CCDC9: variants seen among roughly 807,000 people sequenced by gnomAD.
The protein encoded by CCDC9 is coiled-coil domain-containing protein 9.
CCDC9 carries 52 observed loss-of-function variants against 65.6 expected under a neutral mutation model. The ratio of observed to expected loss-of-function variants is 0.79; its 90% CI spans 0.63 to 1.00. CCDC9 has a LOEUF of 1.00. Among genes scored for constraint, CCDC9 ranks in the 50% least tolerant of loss-of-function variants. The pLI, the probability that CCDC9 is intolerant of heterozygous loss-of-function variation, is 0.00. For missense variants in CCDC9, 834 were observed against 757.2 expected (o/e 1.10, Z -1.19); for synonymous variants, 332 against 280.3 (o/e 1.18, Z -1.84).
chr19:47,275,534 T>A, downstream of CCDC9: 4 of 789,812 alleles, frequency 5.1e-6, no homozygotes, highest in Non-Finnish European at 7.7e-6. Context: ...TTGCAGCTAC[T>A]CTGTGGTCAG....
chr19:47,260,260 TG>T, intron 3 of CCDC9, 60 bp from the exon 4 acceptor site: 1 of 1,247,832 alleles, frequency 8.0e-7, no homozygotes, highest in Non-Finnish European at 1.1e-6. Flanking sequence ...TTCAGGGGTC[TG>T]GGAGTCCGTC....
chr19:47,275,374 C>T, downstream of CCDC9: 2 of 1,529,698 alleles, frequency 1.3e-6, no homozygotes, highest in Non-Finnish European at 1.8e-6. Context: ...CAACCCGGAT[C>T]GCCAGCCCTC....
chr19:47,275,552 C>T (rs1478218490), downstream of CCDC9: 7 of 657,360 alleles, frequency 1.1e-5, no homozygotes, highest in Non-Finnish European at 1.7e-5. Context: ...CAGGCCGGGT[C>T]CTCCACCATC....
At chr19:47,264,091 G>GC (rs2059063595) in intron 5 of CCDC9, among the ~76,000 whole-genome samples, 1 of 151,792 alleles carries the variant, frequency 6.6e-6, no homozygotes, top group Non-Finnish European at 1.5e-5. Context: ...ATGTTAGCCA[G>GC]CCTGGTCTCA....
In CCDC9 at chr19:47,266,441, G is replaced by C. The variant is rs748428782; in HGVS notation, c.721-170G>C. 924 of 967,236 alleles carry C rather than the reference G, an allele frequency of 9.6e-4. 2 individuals carry two copies. Among genetic ancestry groups the C allele is most frequent in the Admixed American group, 1.3e-3 (40 of 30,214 alleles). The allele number at this position is 967,236 out of a possible 1,614,324, so 59.9% of individuals were successfully genotyped here. The stretch of plus-strand genomic sequence containing the variant: ...TGAGGGGACAGAGGGATGCTACTTA[G>C]GAGATCTGAGAGGGCCTCTGTGAGG... On this transcript the variant is annotated intron_variant, in intron 7 of 11. Transcript: ENST00000221922.
intron 8 of CCDC9, among the ~76,000 whole-genome samples, chr19:47,269,853 TG>T (rs772175832): frequency 9.9e-5 from 15 of 152,278 alleles, no homozygotes; most frequent in Non-Finnish European, 1.6e-4. Context: ...GTCATGTACT[TG>T]GGCAAGGGTC....
At chr19:47,263,751 A>G (rs2059061203) in intron 5 of CCDC9, among the ~76,000 whole-genome samples, 2 of 149,876 alleles carry the variant, frequency 1.3e-5, no homozygotes, top group Admixed American at 1.3e-4. Context: ...TTTTTAGTAG[A>G]GACGGGGTTT....
At chr19:47,258,741 A>C (rs1473740538) in intron 3 of CCDC9, 78 bp downstream of exon 3, 38 of 1,081,412 alleles carry the variant, frequency 3.5e-5, no homozygotes, top group Non-Finnish European at 4.7e-5. Flanking sequence ...CCTTCCTTAA[A>C]ACCTTTTCAT....
At position 47,260,337 on chromosome 19, in the gene CCDC9, G is replaced by A. The variant is rs1289629537; in HGVS notation, c.125G>A (p.Arg42His). ...IRRYQEIEED[R>H]KKAELEGVAV... ...TGCTCCTAGGAGATTGAGGAAGACC[G>A]TAAGAAAGCTGAACTTGAGGGAGTC... The change falls in exon 4 of 12, where the codon CGT becomes CAT. Residue 42 changes from arginine to histidine, a missense_variant. Arg to His is a conservative substitution (Grantham distance 29). Coordinates refer to ENST00000221922, the MANE Select transcript of CCDC9 (RefSeq NM_015603.3). 3.1e-6 allele frequency: 5 copies of A among 1,593,448 alleles called. No individual in the cohort carries two copies. The highest frequency in any genetic ancestry group is 2.3e-5 in the East Asian group (1 of 43,830).
chr19:47,273,569 G>T (rs3745605), downstream of CCDC9: 10 of 426,874 alleles, frequency 2.3e-5, no homozygotes, highest in East Asian at 7.1e-5. Context: ...TAAATCTAAG[G>T]GGGGAGGAGC....
chr19:47,266,650 T>G lies in CCDC9; in HGVS notation c.760T>G (p.Leu254Val). The change falls in exon 8 of 12, where the codon TTG (leucine) becomes GTG (valine). Residue 254 changes from leucine (L) to valine (V), a missense_variant. By Grantham distance (32) the Leu-to-Val change is conservative. Transcript: ENST00000221922. ...AGLGSAGDMT[L>V]SMTGRERSEY... The stretch of plus-strand genomic sequence containing the variant: ...CCTGGGCAGTGCTGGAGACATGACG[T>G]TGTCCATGACGGGCCGGGAGCGGTC... 1 of 1,589,708 alleles carries G rather than the reference T, an allele frequency of 6.3e-7. No homozygotes were observed. The highest frequency in any genetic ancestry group is 8.6e-7 in the Non-Finnish European group (1 of 1,168,048).
Position 47,264,645 on chromosome 19 carries a change from GA to G in CCDC9, c.506del (p.Glu169GlyfsTer84). On this transcript the variant is annotated frameshift_variant, in exon 6 of 12. Transcript: ENST00000221922. LOFTEE classifies it high-confidence loss of function. Reference sequence around the variant, plus strand: ...CAGGCAGAACATTGAGAAGATGAATGAGGAGATGGAGAAGATCGCCGAGTAT... The same window carrying G: ...CAGGCAGAACATTGAGAAGATGAATGGGAGATGGAGAAGATCGCCGAGTAT... ...RRRQNIEKMN[E>X]EMEKIAEYER... 6.2e-7 allele frequency: 1 copy of G among 1,604,894 alleles called. No homozygotes were observed. Among genetic ancestry groups the G allele is most frequent in the Non-Finnish European group, 8.5e-7 (1 of 1,175,920 alleles).
Position 47,271,918 on chromosome 19 carries a change from G to C in CCDC9, c.*240G>C. The stretch of plus-strand genomic sequence containing the variant: ...CTCCCAGAGCCTGCCCCAGCCCTTC[G>C]AGCCCCCTCCCCAATAAAGAATTCA... On this transcript the variant is annotated 3_prime_UTR_variant, in exon 12 of 12. Transcript: ENST00000221922. 6 of 1,303,232 alleles carry C rather than the reference G, an allele frequency of 4.6e-6. No individual in the cohort carries two copies. The highest frequency in any genetic ancestry group is 5.8e-4 in the Middle Eastern group (2 of 3,436). The allele number at this position is 1,303,232 out of a possible 1,614,324, so 80.7% of individuals were successfully genotyped here. A position where few individuals can be genotyped will look rare whatever the true frequency, so the allele number is the denominator to read the frequency against.
chr19:47,270,622 A>C lies in CCDC9; in HGVS notation c.1019A>C (p.Glu340Ala). 1.2e-6 allele frequency: 2 copies of C among 1,613,200 alleles called. No homozygotes were observed. The highest frequency in any genetic ancestry group is 1.7e-6 in the Non-Finnish European group (2 of 1,180,000). Residue 340 changes from glutamate (E) to alanine (A), a missense_variant, in exon 10 of 12, where the codon GAG becomes GCG. Physicochemically the swap from Glu to Ala is moderately radical, Grantham distance 107. Coordinates refer to ENST00000221922, the MANE Select transcript of CCDC9 (RefSeq NM_015603.3). ...GAGTTCCTGTCCCAGCACAAAGCTGAGGCCAGCAGCCGCAGAAGGAGAAAG... is the reference window on the plus strand; with the variant it reads ...GAGTTCCTGTCCCAGCACAAAGCTGCGGCCAGCAGCCGCAGAAGGAGAAAG... ...FGEFLSQHKA[E>A]ASSRRRRKSS...
chr19:47,270,592 T>C lies in CCDC9; in HGVS notation c.989T>C (p.Phe330Ser). Residue 330 changes from phenylalanine (F) to serine (S), a missense_variant, in exon 10 of 12, where the codon TTT (phenylalanine) becomes TCT (serine). Transcript: ENST00000221922. ...GCCCGGCCCCCGAAGCCCCCTACTT[T>C]TGGGGAGTTCCTGTCCCAGCACAAA... ...AWARPPKPPT[F>S]GEFLSQHKAE... 1.2e-6 allele frequency: 2 copies of C among 1,613,722 alleles called. No individual in the cohort carries two copies. Among genetic ancestry groups the C allele is most frequent in the Non-Finnish European group, 1.7e-6 (2 of 1,180,012 alleles).
Position 47,264,672 on chromosome 19 carries a change from G to C in CCDC9, c.532G>C (p.Glu178Gln). The change falls in exon 6 of 12, where the codon GAG (glutamate) becomes CAG (glutamine). Residue 178 changes from glutamate to glutamine, a missense_variant. Transcript: ENST00000221922. ...GGAGATGGAGAAGATCGCCGAGTATGAGCGCAACCAGCGGGTCAGTGGTGC... is the reference window on the plus strand; with the variant it reads ...GGAGATGGAGAAGATCGCCGAGTATCAGCGCAACCAGCGGGTCAGTGGTGC... ...NEEMEKIAEY[E>Q]RNQREGVLEP... The C allele has an allele frequency of 6.2e-7, 1 of 1,605,432 alleles. No homozygotes were observed. The highest frequency in any genetic ancestry group is 1.7e-5 in the Admixed American group (1 of 58,662).
intron 8 of CCDC9, 90 bp downstream of exon 8, chr19:47,266,882 T>C: frequency 7.0e-7 from 1 of 1,432,950 alleles, no homozygotes; most frequent in Non-Finnish European, 9.4e-7. Context: ...TTTTTCCTGC[T>C]GTGTATGAGT....
chr19:47,273,491 C>T (rs2123492261), downstream of CCDC9: 1 of 675,458 alleles, frequency 1.5e-6, no homozygotes, highest in Admixed American at 4.4e-5. Flanking sequence ...CCTCCGCGCT[C>T]TGCACTAACC....
Position 47,258,613 on chromosome 19 carries a change from A to G in CCDC9, c.58A>G (p.Arg20Gly), listed in dbSNP as rs749720967. 6.2e-7 allele frequency: 1 copy of G among 1,614,132 alleles called. No homozygotes were observed. Among genetic ancestry groups the G allele is most frequent in the Non-Finnish European group, 8.5e-7 (1 of 1,180,000 alleles). ...GGAGAAGGATGCTGAGTTGGACAAG[A>G]GGATCGAGGCTCTTCGGCGGAAGAA... The part of the protein sequence containing the change: ...KEEKDAELDK[R>G]IEALRRKNEA... Residue 20 changes from arginine (R) to glycine (G), a missense_variant, in exon 3 of 12, where the codon AGG becomes GGG. Coordinates refer to ENST00000221922, the MANE Select transcript of CCDC9 (RefSeq NM_015603.3).
Sources: gnomAD v4.1 joint callset for allele counts (sites outside exome capture counted in the v4.1 genomes callset) on GRCh38, gnomAD v4.1.1 for gene constraint, MANE v1.5 for transcripts, NCBI Gene and HGNC (gene_info 2026-07-23, HGNC 2026-07-21) for gene names.